TDRD9: variants seen among roughly 807,000 people sequenced by gnomAD.
TDRD9 encodes tudor domain containing 9, also known as ATP-dependent RNA helicase TDRD9.
Under a neutral mutation model 172.6 loss-of-function variants are expected in TDRD9, and 124 were observed. The observed-to-expected ratio is 0.72, with a 90% CI of 0.62 to 0.83. TDRD9 has a LOEUF of 0.83. TDRD9 is among the 40% of genes least tolerant of loss of function. TDRD9 has a pLI of 0.00. For synonymous variants in TDRD9, 619 were observed against 617.1 expected, an observed-to-expected ratio of 1.00 and a Z score of -0.05; for missense variants, 1,479 against 1,714.1, an observed-to-expected ratio of 0.86 and a Z score of 2.42.
intron 32 of TDRD9, among the ~76,000 whole-genome samples, chr14:104,035,842 A>C (rs145936342): frequency 4.4e-4 from 67 of 152,184 alleles, no homozygotes; most frequent in Non-Finnish European, 6.6e-4. Context: ...TTTTCTAGTC[A>C]GCTGGTGAGC....
At chr14:103,977,309 G>A (rs964479512) in intron 7 of TDRD9, among the ~76,000 whole-genome samples, 1 of 151,786 alleles carries the variant, frequency 6.6e-6, no homozygotes, top group African/African-American at 2.4e-5. Flanking sequence ...GGCTAACACG[G>A]TGAAACCCCG....
At position 103,963,193 on chromosome 14, in the gene TDRD9, A is replaced by T. The variant is rs1231073178; in HGVS notation, c.420+17A>T. 6.6e-7 allele frequency: 1 copy of T among 1,516,678 alleles called. No individual in the cohort carries two copies. Among genetic ancestry groups the T allele is most frequent in the Non-Finnish European group, 8.9e-7 (1 of 1,123,778 alleles). The allele number at this position is 1,516,678 out of a possible 1,614,324, so 94.0% of individuals were successfully genotyped here. A position where few individuals can be genotyped will look rare whatever the true frequency, so the allele number is the denominator to read the frequency against. On this transcript the variant is annotated intron_variant, in intron 3 of 35. Transcript: ENST00000409874. The stretch of plus-strand genomic sequence containing the variant: ...AAGGAAGAGGTAAAATTGTTTTGTT[A>T]TACTGTAATTTTGCTGTTTGAATAC...
intron 5 of TDRD9, 74 bp from the exon 6 acceptor site, chr14:103,970,464 AGTG>A (rs2032970415): frequency 9.9e-7 from 1 of 1,013,618 alleles, no homozygotes; most frequent in Non-Finnish European, 1.5e-6. Context: ...CCAGTCCCCC[AGTG>A]GTGCCTTTCT....
chr14:104,010,616 T>TA (rs1228082018), intron 20 of TDRD9, among the ~76,000 whole-genome samples: 38 of 147,158 alleles, frequency 2.6e-4, no homozygotes, highest in Middle Eastern at 3.4e-3. Flanking sequence ...GAAGTTAATT[T>TA]AAAAAAAAAA....
At chr14:103,953,934 C>G (rs914437600) in intron 1 of TDRD9, among the ~76,000 whole-genome samples, 1 of 152,192 alleles carries the variant, frequency 6.6e-6, no homozygotes, top group Non-Finnish European at 1.5e-5. Flanking sequence ...CTGAAACACC[C>G]TGACACAGCC....
chr14:103,998,065 TGTG>T (rs1396115687), intron 12 of TDRD9, among the ~76,000 whole-genome samples: 1 of 151,722 alleles, frequency 6.6e-6, no homozygotes, highest in Non-Finnish European at 1.5e-5. Context: ...GGGGGAAAGG[TGTG>T]GTGGAGGGGA....
rs151298057 is a variant in TDRD9 at position 103,998,992 on chromosome 14, G to A, written c.1483+264G>A. ...TATTTTTTAGTAGAGACGGGGTTTCGCCGTGTTAGCCAGGATGGTCTTGAT... is the reference window on the plus strand; with the variant it reads ...TATTTTTTAGTAGAGACGGGGTTTCACCGTGTTAGCCAGGATGGTCTTGAT... On this transcript the variant is annotated intron_variant, in intron 13 of 35. Coordinates refer to ENST00000409874, the MANE Select transcript of TDRD9 (RefSeq NM_153046.3). Among the ~76,000 whole-genome samples the A allele has an allele frequency of 5.3e-4, 81 of 152,090 alleles. 3 individuals carry two copies. The East Asian group carries it at 0.015, about 28-fold the overall frequency.
intron 1 of TDRD9, chr14:103,939,683 T>TG (rs2031058712): frequency 7.0e-6 from 1 of 142,692 alleles, no homozygotes; most frequent in African/African-American, 2.6e-5. Context: ...GAGGGTTTTT[T>TG]TTTTTTTTTT....
chr14:104,001,883 A>G (rs1566773404), intron 13 of TDRD9, among the ~76,000 whole-genome samples: 1 of 151,486 alleles, frequency 6.6e-6, no homozygotes. Flanking sequence ...CTGGGATTAC[A>G]GGCATGAGCC....
In TDRD9 at chr14:103,986,328, A is replaced by G. The variant is rs2033659738; in HGVS notation, c.1115+8A>G. On this transcript the variant is annotated splice_region_variant and intron_variant, in intron 8 of 35. Transcript: ENST00000409874. ...GGATATGAAGGAGAGTGGGTAAGAG[A>G]TACTTCAGTTGGTAATGCACTTTAA... 8 of 1,578,038 alleles carry G rather than the reference A, an allele frequency of 5.1e-6. No homozygotes were observed. The highest frequency in any genetic ancestry group is 6.1e-6 in the Non-Finnish European group (7 of 1,152,504).
At chr14:103,970,506 G>T in intron 5 of TDRD9, 35 bp from the exon 6 acceptor site, 1 of 1,496,878 alleles carries the variant, frequency 6.7e-7, no homozygotes. Context: ...GTTGCCTGAT[G>T]CCATGTGGGG....
intron 6 of TDRD9, among the ~76,000 whole-genome samples, chr14:103,971,311 T>C (rs1249414224): frequency 6.6e-6 from 1 of 151,764 alleles, no homozygotes. Context: ...TGTTTACTTA[T>C]TTATTTATTT....
chr14:104,028,996 G>A (rs1471418852), intron 28 of TDRD9, among the ~76,000 whole-genome samples: 2 of 152,238 alleles, frequency 1.3e-5, no homozygotes, highest in Non-Finnish European at 2.9e-5. Flanking sequence ...CTGTAAATGC[G>A]TGGCTTTATT....
At chr14:104,016,709 C>T (rs2034804132) in intron 22 of TDRD9, among the ~76,000 whole-genome samples, 1 of 152,210 alleles carries the variant, frequency 6.6e-6, no homozygotes, top group Non-Finnish European at 1.5e-5. Flanking sequence ...GGGAGACTCA[C>T]ACTGGAAGAA....
intron 6 of TDRD9, among the ~76,000 whole-genome samples, chr14:103,974,039 AAC>A (rs2033140100): frequency 6.6e-6 from 1 of 152,052 alleles, no homozygotes; most frequent in Non-Finnish European, 1.5e-5. Context: ...CTCTACAAAA[AAC>A]AGTCACAAAA....
At chr14:103,932,781 C>T (rs2030485184) in intron 1 of TDRD9, among the ~76,000 whole-genome samples, 1 of 152,096 alleles carries the variant, frequency 6.6e-6, no homozygotes, top group Non-Finnish European at 1.5e-5. Context: ...TACACCAAGT[C>T]ACTGCAGTCC....
In TDRD9 at chr14:103,970,452, C is replaced by T. The variant is rs2032969613; in HGVS notation, c.766-89C>T. ...ATTTAGCAGAGAGAACTGGTTTAGT[C>T]CCCAGTCCCCCAGTGGTGCCTTTCT... On this transcript the variant is annotated intron_variant, in intron 5 of 35. Transcript: ENST00000409874. 16 of 894,090 alleles carry T rather than the reference C, an allele frequency of 1.8e-5. No individual in the cohort carries two copies. In the South Asian group the frequency reaches 2.2e-4, roughly 13 times the overall value. 55.4% of individuals were successfully genotyped at this position (894,090 alleles called of 1,614,324 possible).
At chr14:103,987,123 T>TATATACACAC (rs1167102708) in intron 8 of TDRD9, among the ~76,000 whole-genome samples, 9 of 145,800 alleles carry the variant, frequency 6.2e-5, no homozygotes, top group African/African-American at 2.3e-4. Flanking sequence ...AAAAAATATA[T>TATATACACAC]ACACACACAC....
intron 27 of TDRD9, 57 bp from the exon 28 acceptor site, chr14:104,026,622 G>C: frequency 3.2e-6 from 5 of 1,581,680 alleles, no homozygotes; most frequent in Non-Finnish European, 4.3e-6. Flanking sequence ...TGGTATTTGG[G>C]ATGAGTGTTT....
Sources: allele counts gnomAD v4.1 joint callset (sites outside exome capture counted in the v4.1 genomes callset), GRCh38; gene constraint gnomAD v4.1.1; transcripts MANE v1.5; gene names NCBI Gene and HGNC (gene_info 2026-07-23, HGNC 2026-07-21).